The following LINGO2 variants were observed in gnomAD, a reference collection of about 807,000 sequenced individuals.
LINGO2 encodes the protein leucine-rich repeat and immunoglobulin-like domain-containing nogo receptor-interacting protein 2.
In LINGO2, 14 loss-of-function variants were observed where a neutral mutation model predicts 30.6. The observed-to-expected ratio is 0.46, with a 90% confidence interval of 0.30 to 0.72. LINGO2 has a LOEUF of 0.72. Ranked by LOEUF, LINGO2 falls within the 30% of genes least tolerant of loss-of-function variation. The probability of loss-of-function intolerance (pLI) is 0.07; values close to 1 mark genes in which losing one functional copy is unlikely to be tolerated. For missense variants in LINGO2, 729 were observed against 751.7 expected (o/e 0.97, Z 0.35); for synonymous variants, 317 against 288.5 (o/e 1.10, Z -1.00).
chr9:28,109,409 A>G (rs1490113942), intron 4 of LINGO2, among the ~76,000 whole-genome samples: 1 of 152,216 alleles, frequency 6.6e-6, no homozygotes, highest in Non-Finnish European at 1.5e-5. Flanking sequence ...ATCAGGCAAT[A>G]GAATGAAATA....
chr9:28,107,509 T>C (rs912860637), intron 4 of LINGO2, among the ~76,000 whole-genome samples: 2 of 152,186 alleles, frequency 1.3e-5, no homozygotes, highest in Non-Finnish European at 2.9e-5. Context: ...TCTAAAAATC[T>C]ATGACTCTCT....
chr9:27,965,225 C>T (rs1820040915), intron 5 of LINGO2, among the ~76,000 whole-genome samples: 1 of 151,966 alleles, frequency 6.6e-6, no homozygotes, highest in South Asian at 2.1e-4. Context: ...ATGTTACAGT[C>T]TCAGTAAGGG....
In LINGO2 at chr9:28,329,124, G is replaced by T. The variant is rs576310403; in HGVS notation, c.-245-33758C>A. 9.9e-5 allele frequency among the ~76,000 whole-genome samples: 15 copies of T among 152,112 alleles called. No homozygotes were observed. In the East Asian group the frequency reaches 2.9e-3, roughly 29 times the overall value. On this transcript the variant is annotated intron_variant, in intron 3 of 5. Coordinates refer to ENST00000379992, the Ensembl canonical transcript of LINGO2. The surrounding 1 kb of genome is among the most constrained non-coding windows in gnomAD (Gnocchi z 4.5). The stretch of plus-strand genomic sequence containing the variant: ...CATAAATATTTTTGCATATTCCTTT[G>T]CTCCAGTCACTTACTAAGACAGACA...
the LINGO2 span, among the ~76,000 whole-genome samples, chr9:28,865,656 C>T: frequency 2.0e-5 from 3 of 152,044 alleles, no homozygotes; most frequent in African/African-American, 4.8e-5. Context: ...TAGTGGCTTG[C>T]GCCTGTAGTC....
At chr9:28,250,110 T>C (rs983476155) in intron 4 of LINGO2, among the ~76,000 whole-genome samples, 1 of 152,138 alleles carries the variant, frequency 6.6e-6, no homozygotes, top group Non-Finnish European at 1.5e-5. Flanking sequence ...ACAGTCCCTG[T>C]CCTCATGGGT....
At chr9:28,366,336 A>G (rs1820675371) in intron 3 of LINGO2, among the ~76,000 whole-genome samples, 1 of 151,902 alleles carries the variant, frequency 6.6e-6, no homozygotes, top group Non-Finnish European at 1.5e-5. Context: ...TGTTTGAAAG[A>G]CTCTACCATG....
chr9:29,082,954 G>T, the LINGO2 span, among the ~76,000 whole-genome samples: 6,243 of 152,244 alleles, frequency 0.041, 198 homozygotes, highest in Admixed American at 0.079. Flanking sequence ...AGAGGATGTG[G>T]AGAAATAGGA....
chr9:28,271,417 T>G (rs183337376), intron 4 of LINGO2, among the ~76,000 whole-genome samples: 121 of 152,130 alleles, frequency 8.0e-4, no homozygotes, highest in African/African-American at 2.8e-3. Flanking sequence ...AGTGAAAACA[T>G]ACAGAGCTTT....
the LINGO2 span, among the ~76,000 whole-genome samples, chr9:28,962,737 T>G: frequency 6.6e-6 from 1 of 151,778 alleles, no homozygotes; most frequent in Non-Finnish European, 1.5e-5. Context: ...ATATTTATCA[T>G]ACAACATATT....
At chr9:28,395,741 C>T (rs1181270933) in intron 2 of LINGO2, among the ~76,000 whole-genome samples, 1 of 152,052 alleles carries the variant, frequency 6.6e-6, no homozygotes, top group Non-Finnish European at 1.5e-5. Flanking sequence ...GAAATAAAAC[C>T]ATAGCATTCT....
chr9:28,298,785 A>G (rs1189927594), intron 3 of LINGO2, among the ~76,000 whole-genome samples: 1 of 152,210 alleles, frequency 6.6e-6, no homozygotes, highest in African/African-American at 2.4e-5. Context: ...GACAATGTGC[A>G]AACAGGTTCC....
chr9:29,075,590 T>G, the LINGO2 span, among the ~76,000 whole-genome samples: 4 of 152,310 alleles, frequency 2.6e-5, no homozygotes, highest in East Asian at 7.7e-4. Flanking sequence ...TTTTATTGCT[T>G]TGATTAATAA....
intron 1 of LINGO2, among the ~76,000 whole-genome samples, chr9:28,532,658 C>T (rs963529576): frequency 1.3e-5 from 2 of 152,008 alleles, no homozygotes; most frequent in Non-Finnish European, 2.9e-5. Flanking sequence ...AGTGACAGTG[C>T]TCTGATTCTC....
rs968757600 is a variant in LINGO2 at position 28,038,636 on chromosome 9, T to A, written c.-86-26231A>T. Among the ~76,000 whole-genome samples, 34 of 147,148 alleles carry A rather than the reference T, an allele frequency of 2.3e-4. No individual in the cohort carries two copies. The Admixed American group carries it at 2.4e-3, about 10-fold the overall frequency. ...TGAACCCGGGAGGCGGAGCTTGCAG[T>A]GAGCCGAGATTGCACCACTGCAGTC... On this transcript the variant is annotated intron_variant, in intron 4 of 5. Coordinates refer to ENST00000379992, the Ensembl canonical transcript of LINGO2.
the LINGO2 span, among the ~76,000 whole-genome samples, chr9:29,023,658 A>T: frequency 6.6e-6 from 1 of 152,118 alleles, no homozygotes; most frequent in East Asian, 1.9e-4. Context: ...AAATCCAATA[A>T]ATGAATAACT....
At chr9:28,050,206 A>T (rs1347423669) in intron 4 of LINGO2, among the ~76,000 whole-genome samples, 1 of 150,492 alleles carries the variant, frequency 6.6e-6, no homozygotes, top group Non-Finnish European at 1.5e-5. Context: ...GAGGGAAGGC[A>T]ATGAGTTATT....
At chr9:28,992,858 C>A in the LINGO2 span, among the ~76,000 whole-genome samples, 56 of 151,950 alleles carry the variant, frequency 3.7e-4, no homozygotes, top group East Asian at 1.2e-3. Flanking sequence ...GGGACACATT[C>A]AAAGCAGTGT....
intron 1 of LINGO2, among the ~76,000 whole-genome samples, chr9:28,499,610 A>G (rs1000222098): frequency 6.6e-6 from 1 of 152,188 alleles, no homozygotes; most frequent in Admixed American, 6.5e-5. Flanking sequence ...TACTAATCCT[A>G]GTTTTCTTCA....
intron 4 of LINGO2, among the ~76,000 whole-genome samples, chr9:28,104,277 T>C (rs951302876): frequency 6.8e-6 from 1 of 147,894 alleles, no homozygotes; most frequent in African/African-American, 2.5e-5. Flanking sequence ...TTTTTTTTTT[T>C]TTTTTTTTTG....
Sources: gnomAD v4.1 joint callset for allele counts (sites outside exome capture counted in the v4.1 genomes callset) on GRCh38, gnomAD v4.1.1 for gene constraint, Gnocchi (gnomAD v3.1) non-coding constraint, MANE v1.5 for transcripts, NCBI Gene and HGNC (gene_info 2026-07-23, HGNC 2026-07-21) for gene names.